The following ATP2C2 variants were observed in gnomAD, a reference collection of about 807,000 sequenced individuals.
The protein encoded by ATP2C2 is ATPase secretory pathway Ca2+ transporting 2, also known as calcium-transporting ATPase type 2C member 2.
A neutral mutation model predicts 110.8 loss-of-function variants in ATP2C2; 171 were observed. The observed-to-expected ratio is 1.54, with a 90% CI of 1.36 to 1.75. ATP2C2 has a LOEUF of 1.75. Among genes scored for constraint, ATP2C2 ranks in the 40% most tolerant of loss-of-function variants. The probability of loss-of-function intolerance (pLI) is 0.00; values close to 1 mark genes in which losing one functional copy is unlikely to be tolerated. For synonymous variants in ATP2C2, 804 were observed against 508.4 expected, an observed-to-expected ratio of 1.58 and a Z score of -7.82; for missense variants, 1,963 against 1,235.0, an observed-to-expected ratio of 1.59 and a Z score of -8.84.
intron 7 of ATP2C2, among the ~76,000 whole-genome samples, chr16:84,417,856 G>C (rs969417863): frequency 6.6e-6 from 1 of 152,230 alleles, no homozygotes; most frequent in Non-Finnish European, 1.5e-5. Context: ...TGCCTATTCA[G>C]TGGAAAATGC....
At chr16:84,410,954 A>G (rs141493368) in intron 6 of ATP2C2, 189 bp downstream of exon 6, 6 of 623,142 alleles carry the variant, frequency 9.6e-6, no homozygotes, top group Admixed American at 5.0e-5. Context: ...ATGTCACTCA[A>G]CCTCTCTGGG....
chr16:84,399,675 A>G (rs937537911), intron 2 of ATP2C2, among the ~76,000 whole-genome samples: 3 of 152,152 alleles, frequency 2.0e-5, no homozygotes, highest in Non-Finnish European at 2.9e-5. Flanking sequence ...TGGGTTCCAG[A>G]GATACTTTGA....
Position 84,458,380 on chromosome 16 carries a change from GA to G in ATP2C2, c.2148-739del, listed in dbSNP as rs1597878978. On this transcript the variant is annotated intron_variant, in intron 21 of 26. Transcript: ENST00000262429. The stretch of plus-strand genomic sequence containing the variant: ...GAGGGGGGGAGGGATAGCATCGGGA[GA>G]TATACCTAATGCTAGATGACACGTT... Among the ~76,000 whole-genome samples, 10 of 133,058 alleles carry G rather than the reference GA, an allele frequency of 7.5e-5. No individual in the cohort carries two copies. In the East Asian group the frequency reaches 2.0e-3, roughly 27 times the overall value. The allele number at this position is 133,058 out of a possible 152,430, so 87.3% of individuals were successfully genotyped here.
At chr16:84,429,649 G>A (rs966536188) in intron 11 of ATP2C2, among the ~76,000 whole-genome samples, 1 of 152,054 alleles carries the variant, frequency 6.6e-6, no homozygotes, top group African/African-American at 2.4e-5. Flanking sequence ...GAATCGATGG[G>A]AATCAAGGGC....
At chr16:84,411,518 T>C (rs532669840) in intron 6 of ATP2C2, among the ~76,000 whole-genome samples, 1 of 152,338 alleles carries the variant, frequency 6.6e-6, no homozygotes, top group South Asian at 2.1e-4. Context: ...CTCAGTTCGC[T>C]GCAACCTCCG....
chr16:84,411,939 TTTTC>T (rs1567704585), intron 6 of ATP2C2, among the ~76,000 whole-genome samples: 1 of 151,770 alleles, frequency 6.6e-6, no homozygotes, highest in Non-Finnish European at 1.5e-5. Flanking sequence ...CTTTCCTTTC[TTTTC>T]TTTTCTTTCT....
intron 6 of ATP2C2, 69 bp from the exon 7 acceptor site, chr16:84,415,414 A>T: frequency 7.9e-7 from 1 of 1,265,900 alleles, no homozygotes; most frequent in Non-Finnish European, 1.2e-6. Flanking sequence ...CTCCTTGTTC[A>T]AATGTATCAA....
intron 11 of ATP2C2, among the ~76,000 whole-genome samples, chr16:84,435,812 G>A (rs1242310939): frequency 7.4e-6 from 1 of 135,190 alleles, no homozygotes; most frequent in Non-Finnish European, 1.6e-5. Context: ...GGGCGACAGA[G>A]CAAGAACCTG....
At chr16:84,411,442 C>A (rs1022069958) in intron 6 of ATP2C2, among the ~76,000 whole-genome samples, 1 of 152,062 alleles carries the variant, frequency 6.6e-6, no homozygotes, top group Non-Finnish European at 1.5e-5. Context: ...TCTGACAATT[C>A]TTTTTTTGTT....
intron 11 of ATP2C2, among the ~76,000 whole-genome samples, chr16:84,429,019 G>T (rs1469339905): frequency 1.3e-5 from 2 of 152,182 alleles, no homozygotes; most frequent in African/African-American, 2.4e-5. Context: ...CTGCGAAAGG[G>T]CATCTTAGGC....
intron 14 of ATP2C2, among the ~76,000 whole-genome samples, chr16:84,442,157 G>C (rs897824456): frequency 1.3e-5 from 2 of 152,092 alleles, no homozygotes; most frequent in African/African-American, 4.8e-5. Flanking sequence ...CAATTCAGTG[G>C]TTTCAATTTG....
chr16:84,441,839 C>T (rs148531169), intron 14 of ATP2C2, among the ~76,000 whole-genome samples: 3 of 152,054 alleles, frequency 2.0e-5, no homozygotes, highest in Non-Finnish European at 2.9e-5. Context: ...GGAGAATTGC[C>T]TTGAACCAGG....
At chr16:84,437,848 C>G (rs757037880) in intron 11 of ATP2C2, among the ~76,000 whole-genome samples, 18 of 152,202 alleles carry the variant, frequency 1.2e-4, no homozygotes, top group African/African-American at 3.1e-4. Flanking sequence ...AAAAAGAAAC[C>G]CTGTGCCCTT....
At chr16:84,436,977 G>C (rs1908801587) in intron 11 of ATP2C2, among the ~76,000 whole-genome samples, 1 of 151,998 alleles carries the variant, frequency 6.6e-6, no homozygotes, top group South Asian at 2.1e-4. Flanking sequence ...GGCCAGGCTG[G>C]TGTCGAACTC....
intron 11 of ATP2C2, among the ~76,000 whole-genome samples, chr16:84,427,446 G>A (rs568552212): frequency 4.6e-5 from 7 of 152,162 alleles, no homozygotes; most frequent in East Asian, 3.9e-4. Flanking sequence ...GGCCAGGCGC[G>A]GTGGCTCATA....
chr16:84,441,419 A>G (rs185278474), intron 14 of ATP2C2, among the ~76,000 whole-genome samples: 7 of 152,192 alleles, frequency 4.6e-5, no homozygotes, highest in Admixed American at 2.0e-4. Flanking sequence ...CCCTATTGTT[A>G]TTAGTGAGCC....
Position 84,368,644 on chromosome 16 carries a change from T to C in ATP2C2, c.29T>C (p.Leu10Pro). 2.6e-6 allele frequency: 4 copies of C among 1,566,106 alleles called. No homozygotes were observed. Among genetic ancestry groups the C allele is most frequent in the Admixed American group, 1.8e-5 (1 of 54,410 alleles). Residue 10 changes from leucine (L) to proline (P), a missense_variant, in exon 1 of 27, where the codon CTG becomes CCG. Coordinates refer to ENST00000262429, the MANE Select transcript of ATP2C2 (RefSeq NM_014861.4). ...GTCGAGGGACGCGTCTCCGAGTTCC[T>C]GAAGAAACTCGGCTTCTCGGGCGGG... MVEGRVSEF[L>P]KKLGFSGGGR...
At chr16:84,419,144 G>C (rs1237593413) in intron 7 of ATP2C2, among the ~76,000 whole-genome samples, 16 of 140,888 alleles carry the variant, frequency 1.1e-4, no homozygotes, top group African/African-American at 4.2e-4. Context: ...GGGAGGTGGG[G>C]TTTTAGTGAG....
At chr16:84,451,573 C>T (rs1326801756) in intron 17 of ATP2C2, among the ~76,000 whole-genome samples, 1 of 152,214 alleles carries the variant, frequency 6.6e-6, no homozygotes, top group Non-Finnish European at 1.5e-5. Context: ...CACGTTGCCT[C>T]ACACCTGTAA....
Sources: gnomAD v4.1 joint callset for allele counts (sites outside exome capture counted in the v4.1 genomes callset) on GRCh38, gnomAD v4.1.1 for gene constraint, MANE v1.5 for transcripts, NCBI Gene and HGNC (gene_info 2026-07-23, HGNC 2026-07-21) for gene names.